Variants in PRORP observed in about 807,000 individuals in gnomAD.
PRORP encodes the protein protein only RNase P catalytic subunit, also known as mitochondrial ribonuclease P catalytic subunit.
PRORP carries 51 observed loss-of-function variants against 59.4 expected under a neutral mutation model. The ratio of observed to expected loss-of-function variants is 0.86; its 90% CI spans 0.69 to 1.08. The LOEUF is 1.08. Ranked by LOEUF, PRORP falls within the 50% of genes least tolerant of loss-of-function variation. The pLI is 0.00. For synonymous variants in PRORP, 231 were observed against 245.6 expected (o/e 0.94, Z 0.55); for missense variants, 646 against 690.3 (o/e 0.94, Z 0.72).
At chr14:35,232,402 G>A (rs569543048) in intron 5 of PRORP, among the ~76,000 whole-genome samples, 95 of 151,792 alleles carry the variant, frequency 6.3e-4, no homozygotes, top group African/African-American at 2.1e-3. Context: ...TGTAGAGATG[G>A]GGTCTCACTG....
At chr14:35,258,905 C>T (rs2050827054) in intron 5 of PRORP, among the ~76,000 whole-genome samples, 2 of 152,184 alleles carry the variant, frequency 1.3e-5, no homozygotes, top group Non-Finnish European at 2.9e-5. Flanking sequence ...TTCATTCTTT[C>T]TTTTCAAAAT....
intron 5 of PRORP, among the ~76,000 whole-genome samples, chr14:35,208,475 C>T (rs943183736): frequency 7.2e-5 from 11 of 152,148 alleles, no homozygotes; most frequent in African/African-American, 2.7e-4. Context: ...TTTAAATGTT[C>T]TAGTAGCCAC....
At chr14:35,149,167 C>T (rs1434320875) in intron 4 of PRORP, among the ~76,000 whole-genome samples, 1 of 151,364 alleles carries the variant, frequency 6.6e-6, no homozygotes, top group Admixed American at 6.6e-5. Context: ...GATCCGCCCG[C>T]CTCGGCCTCC....
At chr14:35,232,247 CCAGGCTGG>C in intron 5 of PRORP, among the ~76,000 whole-genome samples, 1 of 151,404 alleles carries the variant, frequency 6.6e-6, no homozygotes. Flanking sequence ...ACTTTGTCAC[CCAGGCTGG>C]AGTGCAGTGA....
chr14:35,190,203 A>G (rs191553893), intron 5 of PRORP, among the ~76,000 whole-genome samples: 8 of 152,032 alleles, frequency 5.3e-5, no homozygotes, highest in African/African-American at 1.7e-4. Flanking sequence ...GTTCAAGACC[A>G]GCCTGGCCAA....
At chr14:35,130,473 A>T (rs953041374) in intron 4 of PRORP, among the ~76,000 whole-genome samples, 1 of 142,530 alleles carries the variant, frequency 7.0e-6, no homozygotes, top group African/African-American at 2.7e-5. Context: ...ATTGCTCATT[A>T]ATGTCCTTTT....
At chr14:35,253,305 G>C (rs1418178759) in intron 5 of PRORP, among the ~76,000 whole-genome samples, 1 of 145,964 alleles carries the variant, frequency 6.9e-6, no homozygotes, top group Non-Finnish European at 1.5e-5. Flanking sequence ...CAGTCCTCCA[G>C]CCTGGGTGAC....
intron 5 of PRORP, among the ~76,000 whole-genome samples, chr14:35,236,514 G>A (rs546651436): frequency 1.3e-5 from 2 of 152,242 alleles, no homozygotes; most frequent in East Asian, 3.9e-4. Flanking sequence ...CTCTCCCTCA[G>A]GACAGCAGTA....
chr14:35,270,409 A>G lies in PRORP; in HGVS notation c.1433A>G (p.Asp478Gly), dbSNP rs771497054. 1 of 1,613,270 alleles carries G rather than the reference A, an allele frequency of 6.2e-7. No homozygotes were observed. Among genetic ancestry groups the G allele is most frequent in the Non-Finnish European group, 8.5e-7 (1 of 1,179,738 alleles). Reference protein sequence around the residue: ...SCFFADDISEDDPFLLYATLH... With the variant: ...SCFFADDISEGDPFLLYATLH... ...TCTTATGCCTGGTTCAGCTCGGAGG[A>G]TGATCCATTCCTTCTGTATGCCACA... The change falls in exon 7 of 8, where the codon GAT becomes GGT. Residue 478 changes from aspartate to glycine, a missense_variant. Asp to Gly is a moderately conservative substitution (Grantham distance 94). Transcript: ENST00000534898.
At chr14:35,135,964 A>C (rs1461847378) in intron 4 of PRORP, among the ~76,000 whole-genome samples, 1 of 152,016 alleles carries the variant, frequency 6.6e-6, no homozygotes, top group Admixed American at 6.6e-5. Context: ...TCTCAAAAAA[A>C]AAAAAAAAAA....
intron 4 of PRORP, among the ~76,000 whole-genome samples, chr14:35,152,249 A>G (rs369736225): frequency 1.3e-5 from 2 of 152,130 alleles, no homozygotes; most frequent in Admixed American, 6.5e-5. Flanking sequence ...AGGGTTGGGG[A>G]TAAGGTCATA....
intron 4 of PRORP, among the ~76,000 whole-genome samples, chr14:35,157,041 C>G (rs1184725224): frequency 3.3e-5 from 5 of 151,342 alleles, no homozygotes; most frequent in Admixed American, 2.6e-4. Context: ...CTGCAAGCTC[C>G]GTCTCCTGGG....
intron 5 of PRORP, among the ~76,000 whole-genome samples, chr14:35,216,879 C>T (rs1390746145): frequency 2.0e-5 from 3 of 152,088 alleles, no homozygotes; most frequent in African/African-American, 4.8e-5. Context: ...ATTTTTGACT[C>T]GTGTTTCTCT....
At chr14:35,224,616 C>T (rs577400517) in intron 5 of PRORP, among the ~76,000 whole-genome samples, 46 of 152,240 alleles carry the variant, frequency 3.0e-4, no homozygotes, top group African/African-American at 1.0e-3. Flanking sequence ...TATTTTCTTC[C>T]TAAAGTTCCA....
intron 4 of PRORP, among the ~76,000 whole-genome samples, chr14:35,160,658 G>A (rs1440650698): frequency 6.6e-6 from 1 of 152,150 alleles, no homozygotes; most frequent in African/African-American, 2.4e-5. Context: ...AAAGGAAACA[G>A]CTCATTCAAC....
intron 5 of PRORP, among the ~76,000 whole-genome samples, chr14:35,190,854 C>A (rs189900048): frequency 1.7e-3 from 263 of 152,278 alleles, no homozygotes; most frequent in African/African-American, 6.1e-3. Flanking sequence ...CTTGAGTCAA[C>A]TTTTATATAG....
rs979487323 is a variant in PRORP at position 35,152,854 on chromosome 14, C to T, written c.1167+25243C>T. Among the ~76,000 whole-genome samples the T allele has an allele frequency of 2.6e-5, 4 of 151,816 alleles. No individual in the cohort carries two copies. In the South Asian group the frequency reaches 8.3e-4, roughly 32 times the overall value. The stretch of plus-strand genomic sequence containing the variant: ...GGTGGGCGGCCGGACAGAGACTATC[C>T]TCATTTCCTAGACGGGATGGCGGCT... On this transcript the variant is annotated intron_variant, in intron 4 of 7. Coordinates refer to ENST00000534898, the MANE Select transcript of PRORP (RefSeq NM_014672.4).
intron 5 of PRORP, among the ~76,000 whole-genome samples, chr14:35,223,926 T>C (rs1459138242): frequency 6.6e-6 from 1 of 152,236 alleles, no homozygotes; most frequent in Non-Finnish European, 1.5e-5. Context: ...AGTACCTCTG[T>C]ATGGGAGTTC....
At chr14:35,229,484 A>G (rs2050018212) in intron 5 of PRORP, among the ~76,000 whole-genome samples, 2 of 152,186 alleles carry the variant, frequency 1.3e-5, no homozygotes. Context: ...GGTGAAAGGT[A>G]AAGGTCCAGT....
Sources: gnomAD v4.1 joint callset for allele counts (sites outside exome capture counted in the v4.1 genomes callset) on GRCh38, gnomAD v4.1.1 for gene constraint, MANE v1.5 for transcripts, NCBI Gene and HGNC (gene_info 2026-07-23, HGNC 2026-07-21) for gene names.